Variants in PLCB1 observed in about 807,000 individuals in gnomAD.
PLCB1 encodes 1-phosphatidylinositol 4,5-bisphosphate phosphodiesterase beta-1.
PLCB1 carries 46 observed loss-of-function variants against 161.8 expected under a neutral mutation model. The observed-to-expected ratio is 0.28, with a 90% CI of 0.22 to 0.36. The LOEUF (loss-of-function observed/expected upper bound fraction) is 0.36, where lower values mean the gene tolerates loss of function less well. PLCB1 is among the 10% of genes least tolerant of loss of function. The pLI, the probability that PLCB1 is intolerant of heterozygous loss-of-function variation, is 1.00. For missense variants in PLCB1, 1,016 were observed against 1,472.5 expected (o/e 0.69, Z 5.07); for synonymous variants, 517 against 503.7 (o/e 1.03, Z -0.35).
chr20:8,188,299 A>T (rs943115280), intron 2 of PLCB1, among the ~76,000 whole-genome samples: 25 of 152,238 alleles, frequency 1.6e-4, no homozygotes, highest in African/African-American at 6.0e-4. Flanking sequence ...AGCAAGTTAC[A>T]TGGCCAAGCC....
chr20:8,786,468 T>G (rs759825715), intron 27 of PLCB1, among the ~76,000 whole-genome samples: 3 of 152,202 alleles, frequency 2.0e-5, no homozygotes, highest in Non-Finnish European at 4.4e-5. Context: ...TCAAATTTCA[T>G]GATAATTTTA....
intron 3 of PLCB1, among the ~76,000 whole-genome samples, chr20:8,600,067 AATTTG>A (rs1401752375): frequency 9.3e-6 from 1 of 107,960 alleles, no homozygotes; most frequent in Non-Finnish European, 1.9e-5. Flanking sequence ...AGCTCAGAGT[AATTTG>A]ATCGTCTGAA....
chr20:8,780,473 T>C (rs1350380924), intron 27 of PLCB1, among the ~76,000 whole-genome samples: 2 of 152,186 alleles, frequency 1.3e-5, no homozygotes, highest in African/African-American at 4.8e-5. Context: ...CTTTGCTTCC[T>C]GTCTTTTCTC....
chr20:8,535,989 A>C (rs533159269), intron 3 of PLCB1, among the ~76,000 whole-genome samples: 1 of 151,806 alleles, frequency 6.6e-6, no homozygotes, highest in Non-Finnish European at 1.5e-5. Context: ...TTTTAATATA[A>C]TATTTTTCTT....
intron 3 of PLCB1, among the ~76,000 whole-genome samples, chr20:8,561,500 T>G (rs1419161231): frequency 6.6e-6 from 1 of 151,902 alleles, no homozygotes; most frequent in Admixed American, 6.6e-5. Context: ...ACAATGAGTC[T>G]GAAATTTCAA....
chr20:8,629,978 CTTTCT>C (rs1464233339), intron 4 of PLCB1, among the ~76,000 whole-genome samples: 2 of 32,570 alleles, frequency 6.1e-5, no homozygotes, highest in African/African-American at 2.9e-4. Context: ...TTCTTTCTTT[CTTTCT>C]TTCTTTCTTT....
intron 14 of PLCB1, among the ~76,000 whole-genome samples, chr20:8,720,839 C>T (rs995774768): frequency 7.7e-6 from 1 of 129,534 alleles, no homozygotes; most frequent in Non-Finnish European, 1.7e-5. Flanking sequence ...AAAGAATCCC[C>T]TCTCTGATTT....
chr20:8,737,786 C>T (rs561896156), intron 20 of PLCB1, among the ~76,000 whole-genome samples: 1 of 152,252 alleles, frequency 6.6e-6, no homozygotes, highest in Admixed American at 6.5e-5. Flanking sequence ...TTTTTTCTGG[C>T]CAAAATATCT....
intron 2 of PLCB1, among the ~76,000 whole-genome samples, chr20:8,277,916 G>T (rs907795086): frequency 1.3e-5 from 2 of 152,060 alleles, no homozygotes; most frequent in African/African-American, 2.4e-5. Flanking sequence ...AATGCAGGGG[G>T]TATAATCCCT....
rs535003970 is a variant in PLCB1 at position 8,642,987 on chromosome 20, T to G, written c.385-3115T>G. Among the ~76,000 whole-genome samples, 214 of 152,354 alleles carry G rather than the reference T, an allele frequency of 1.4e-3. 1 individual carries two copies. Among genetic ancestry groups the G allele is most frequent in the Non-Finnish European group, 1.8e-3 (124 of 68,032 alleles). On this transcript the variant is annotated intron_variant, in intron 4 of 31. Coordinates refer to ENST00000338037, the MANE Select transcript of PLCB1 (RefSeq NM_015192.4). ...ATTATTCTTAGTTTAAAATTATCTA[T>G]TTTAAGGAAAATTGATTTTTAATTT...
At chr20:8,684,625 A>G (rs1990314714) in intron 9 of PLCB1, among the ~76,000 whole-genome samples, 3 of 152,172 alleles carry the variant, frequency 2.0e-5, no homozygotes. Flanking sequence ...AGAGATAAGC[A>G]CTGATAACAT....
intron 3 of PLCB1, among the ~76,000 whole-genome samples, chr20:8,518,799 T>C (rs1045386150): frequency 6.6e-6 from 1 of 151,902 alleles, no homozygotes; most frequent in African/African-American, 2.4e-5. Context: ...CTCACCATAA[T>C]GTAGAATCAA....
At chr20:8,450,484 G>T (rs1438753386) in intron 3 of PLCB1, among the ~76,000 whole-genome samples, 1 of 151,728 alleles carries the variant, frequency 6.6e-6, no homozygotes, top group Non-Finnish European at 1.5e-5. Context: ...GGGCAGTGCT[G>T]GAATGTGGAT....
intron 3 of PLCB1, among the ~76,000 whole-genome samples, chr20:8,383,556 GGAATTT>G (rs1306612775): frequency 6.6e-6 from 1 of 152,062 alleles, no homozygotes; most frequent in East Asian, 1.9e-4. Flanking sequence ...TGGTTACATG[GGAATTT>G]GATCCTGTCA....
At chr20:8,724,834 T>G in intron 16 of PLCB1, 82 bp downstream of exon 16, 1 of 770,672 alleles carries the variant, frequency 1.3e-6, no homozygotes, top group Non-Finnish European at 2.2e-6. Flanking sequence ...CCAAAGAATG[T>G]TACCCTTAAT....
chr20:8,796,333 C>G (rs538337710), intron 31 of PLCB1, among the ~76,000 whole-genome samples: 1 of 152,086 alleles, frequency 6.6e-6, no homozygotes, highest in Non-Finnish European at 1.5e-5. Context: ...TTAGACCTAC[C>G]GCTGGGCTCT....
intron 2 of PLCB1, among the ~76,000 whole-genome samples, chr20:8,182,366 A>G (rs1419381934): frequency 6.6e-6 from 1 of 152,178 alleles, no homozygotes; most frequent in Non-Finnish European, 1.5e-5. Flanking sequence ...AAAATGTGGT[A>G]GAAGTGATGG....
At chr20:8,473,274 GGAGT>G (rs1283762320) in intron 3 of PLCB1, among the ~76,000 whole-genome samples, 1 of 150,870 alleles carries the variant, frequency 6.6e-6, no homozygotes, top group African/African-American at 2.4e-5. Flanking sequence ...CTAATGAATT[GGAGT>G]TAGTTATCTC....
rs1360137644 is a variant in PLCB1, at chr20:8,831,914, CTT to C, written c.3423+41655_3423+41656del. On this transcript the variant is annotated intron_variant, in intron 31 of 31. Coordinates refer to ENST00000338037, the MANE Select transcript of PLCB1 (RefSeq NM_015192.4). ...TTTCTTTCTCCCTCTCTTTCTTTCTCTTTCTTTCTTTCTTTCTTTCTTTCTTT... is the reference window on the plus strand; with the variant it reads ...TTTCTTTCTCCCTCTCTTTCTTTCTCTCTTTCTTTCTTTCTTTCTTTCTTT... Among the ~76,000 whole-genome samples the C allele has an allele frequency of 5.8e-4, 6 of 10,376 alleles. No individual in the cohort carries two copies. The East Asian group carries it at 7.6e-3, about 13-fold the overall frequency. The allele number at this position is 10,376 out of a possible 152,430, so 6.8% of individuals were successfully genotyped here. A position where few individuals can be genotyped will look rare whatever the true frequency, so the allele number is the denominator to read the frequency against.
Sources: allele counts gnomAD v4.1 joint callset (sites outside exome capture counted in the v4.1 genomes callset), GRCh38; gene constraint gnomAD v4.1.1; transcripts MANE v1.5; gene names NCBI Gene and HGNC (gene_info 2026-07-23, HGNC 2026-07-21).